CD36: variants seen among roughly 807,000 people sequenced by gnomAD.
CD36 encodes CD36 molecule (CD36 blood group).
Under a neutral mutation model 55.2 loss-of-function variants are expected in CD36, and 119 were observed. The observed-to-expected ratio is 2.15, with a 90% CI of 1.86 to 2.51. The LOEUF is 2.51. Among genes scored for constraint, CD36 ranks in the 30% most tolerant of loss-of-function variants. CD36 has a pLI of 0.00. For missense variants in CD36, 819 were observed against 555.5 expected (o/e 1.47, Z -4.77); for synonymous variants, 186 against 193.6 (o/e 0.96, Z 0.33).
chr7:80,621,798 A>G (rs1793485020), intron 1 of CD36, among the ~76,000 whole-genome samples: 1 of 152,212 alleles, frequency 6.6e-6, no homozygotes, highest in South Asian at 2.1e-4. Context: ...GAGAGTGGCA[A>G]GAGGCAGCCA....
chr7:80,653,119 G>C (rs1318556333), intron 3 of CD36, among the ~76,000 whole-genome samples: 1 of 152,112 alleles, frequency 6.6e-6, no homozygotes, highest in Non-Finnish European at 1.5e-5. Flanking sequence ...TAATTTCATT[G>C]TTGGCCACTT....
chr7:80,646,387 AAT>A (rs1472987148), intron 2 of CD36: 12 of 316,420 alleles, frequency 3.8e-5, no homozygotes, highest in Non-Finnish European at 7.4e-5. Flanking sequence ...ATAAGATTTC[AAT>A]ATGTTAATCA....
rs1456923947 is a variant in CD36, at chr7:80,676,810, T to C, written c.*427T>C. 6.6e-6 allele frequency: 1 copy of C among 151,914 alleles called. No homozygotes were observed. The highest frequency in any genetic ancestry group is 1.5e-5 in the Non-Finnish European group (1 of 67,964). 9.4% of individuals were successfully genotyped at this position (151,914 alleles called of 1,614,324 possible). ...TCTGGAAATTGAGTAAATTTTGCTTTTTTTTTTTTACTCAGTTGCAACTTA... is the reference window on the plus strand; with the variant it reads ...TCTGGAAATTGAGTAAATTTTGCTTCTTTTTTTTTACTCAGTTGCAACTTA... On this transcript the variant is annotated 3_prime_UTR_variant, in exon 15 of 15. Coordinates refer to ENST00000447544, the MANE Select transcript of CD36 (RefSeq NM_001001548.3).
chr7:80,608,655 G>C (rs772792186), intron 1 of CD36, among the ~76,000 whole-genome samples: 7 of 152,082 alleles, frequency 4.6e-5, no homozygotes, highest in Non-Finnish European at 1.0e-4. Context: ...ATTGGCTCAG[G>C]ATCTTGCAGC....
chr7:80,616,452 T>G (rs1273193997), intron 1 of CD36, among the ~76,000 whole-genome samples: 2 of 103,852 alleles, frequency 1.9e-5, no homozygotes, highest in East Asian at 7.8e-4. Context: ...TGTGTGTGCC[T>G]GCACGCACAC....
At chr7:80,663,420 C>T (rs1016875406) in intron 6 of CD36, among the ~76,000 whole-genome samples, 1 of 152,068 alleles carries the variant, frequency 6.6e-6, no homozygotes, top group Admixed American at 6.6e-5. Flanking sequence ...TTTATAAATA[C>T]ACAATTTTTT....
chr7:80,612,246 C>T (rs1722503), intron 1 of CD36, among the ~76,000 whole-genome samples: 10,344 of 152,186 alleles, frequency 0.068, 800 homozygotes, highest in African/African-American at 0.19. Flanking sequence ...ACACTGAGTC[C>T]TGTAATATAA....
exon 1 of CD36, chr7:80,602,210 T>A (rs1174391385): frequency 6.6e-6 from 1 of 152,162 alleles, no homozygotes; most frequent in South Asian, 2.1e-4. Context: ...GGCTTTCAGA[T>A]GTCAGGATAA....
chr7:80,605,797 T>C (rs1018056349), intron 1 of CD36, among the ~76,000 whole-genome samples: 3 of 152,180 alleles, frequency 2.0e-5, no homozygotes, highest in African/African-American at 4.8e-5. Flanking sequence ...TAATTTCTAT[T>C]AGCCCCATCC....
upstream of CD36, among the ~76,000 whole-genome samples, chr7:80,635,900 T>C (rs1794366587): frequency 6.6e-6 from 1 of 152,188 alleles, no homozygotes; most frequent in Admixed American, 6.6e-5. Flanking sequence ...TGTGTGTGTC[T>C]GTTTATTCAA....
chr7:80,660,464 A>C (rs1796430650), intron 4 of CD36, among the ~76,000 whole-genome samples: 1 of 152,138 alleles, frequency 6.6e-6, no homozygotes, highest in African/African-American at 2.4e-5. Flanking sequence ...ATGTGCTCTA[A>C]ATATTCCCCT....
intron 3 of CD36, among the ~76,000 whole-genome samples, chr7:80,648,203 T>G (rs1795316053): frequency 6.6e-6 from 1 of 152,096 alleles, no homozygotes; most frequent in East Asian, 1.9e-4. Context: ...TATCTAATAG[T>G]GGGATGGAGT....
rs1335567689 is a variant in CD36 at position 80,661,153 on chromosome 7, T to C, written c.372T>C (p.Pro124=). 2 of 1,613,888 alleles carry C rather than the reference T, an allele frequency of 1.2e-6. No homozygotes were observed. The highest frequency in any genetic ancestry group is 2.7e-5 in the African/African-American group (2 of 74,932). The change falls in exon 5 of 15, where the codon CCT becomes CCC. Residue 124 remains proline, a synonymous_variant. Coordinates refer to ENST00000447544, the MANE Select transcript of CD36 (RefSeq NM_001001548.3). The part of the protein sequence containing the change: ...FLQPNGAIFE[P]SLSVGTEADN... ...AGCCCAATGGTGCCATCTTCGAACC[T>C]TCACTATCAGTTGGAACAGAGGCTG...
intron 8 of CD36, among the ~76,000 whole-genome samples, chr7:80,669,580 A>G (rs572935013): frequency 1.3e-5 from 2 of 151,916 alleles, no homozygotes; most frequent in East Asian, 3.9e-4. Flanking sequence ...ATCTCAGGAT[A>G]GCTGAGGCAG....
Position 80,628,662 on chromosome 7 carries a change from T to C in CD36, c.-183-17426T>C, listed in dbSNP as rs148507127. 4.6e-3 allele frequency among the ~76,000 whole-genome samples: 705 copies of C among 152,150 alleles called. 26 individuals are homozygous for C. The highest frequency in any genetic ancestry group is 0.043 in the Admixed American group (651 of 15,242). ...TTAAATAGAATCACAAGGTATCAGC[T>C]TGGGTGCTTTCAACCTGTGAACCCC... On this transcript the variant is annotated intron_variant, in intron 1 of 13. Coordinates refer to the CD36 transcript ENST00000309881.
chr7:80,639,446 TAC>T (rs1794667054), intron 1 of CD36, among the ~76,000 whole-genome samples: 1 of 151,992 alleles, frequency 6.6e-6, no homozygotes, highest in Non-Finnish European at 1.5e-5. Flanking sequence ...GGAAGCTTAT[TAC>T]AAATAGTACT....
At chr7:80,665,107 A>G (rs1796941209) in intron 7 of CD36, among the ~76,000 whole-genome samples, 1 of 152,138 alleles carries the variant, frequency 6.6e-6, no homozygotes, top group Non-Finnish European at 1.5e-5. Context: ...TTTCAAGTGC[A>G]GTTCTACAAT....
chr7:80,654,280 T>C (rs376479365), intron 3 of CD36, among the ~76,000 whole-genome samples: 3 of 152,196 alleles, frequency 2.0e-5, no homozygotes, highest in Non-Finnish European at 4.4e-5. Flanking sequence ...GTTGAGTTTC[T>C]TTCATTAAGA....
intron 1 of CD36, among the ~76,000 whole-genome samples, chr7:80,632,650 A>T (rs752751385): frequency 6.6e-6 from 1 of 152,070 alleles, no homozygotes; most frequent in African/African-American, 2.4e-5. Context: ...GTTTTAAGAT[A>T]TTCATCATGC....
Sources: gnomAD v4.1 joint callset for allele counts (sites outside exome capture counted in the v4.1 genomes callset) on GRCh38, gnomAD v4.1.1 for gene constraint, MANE v1.5 for transcripts, NCBI Gene and HGNC (gene_info 2026-07-23, HGNC 2026-07-21) for gene names.